The following FAM227B variants were observed in gnomAD, a reference collection of about 807,000 sequenced individuals.
The protein encoded by FAM227B is family with sequence similarity 227 member B.
A neutral mutation model predicts 73.8 loss-of-function variants in FAM227B; 88 were observed. The ratio of observed to expected loss-of-function variants is 1.19; its 90% CI spans 1.00 to 1.42. The LOEUF (loss-of-function observed/expected upper bound fraction) is 1.42, where lower values mean the gene tolerates loss of function less well. Among genes scored for constraint, FAM227B ranks in the 40% most tolerant of loss-of-function variants. The pLI, the probability that FAM227B is intolerant of heterozygous loss-of-function variation, is 0.00. For missense variants in FAM227B, 632 were observed against 590.9 expected, an observed-to-expected ratio of 1.07 and a Z score of -0.72; for synonymous variants, 210 against 190.5, an observed-to-expected ratio of 1.10 and a Z score of -0.84.
At chr15:49,525,801 A>G (rs2090022850) in intron 10 of FAM227B, among the ~76,000 whole-genome samples, 1 of 149,550 alleles carries the variant, frequency 6.7e-6, no homozygotes, top group Non-Finnish European at 1.5e-5. Flanking sequence ...GGTAAAAAAA[A>G]AGACAAAGAA....
intron 11 of FAM227B, among the ~76,000 whole-genome samples, chr15:49,402,829 G>C (rs1301722716): frequency 2.0e-5 from 3 of 152,142 alleles, no homozygotes; most frequent in Non-Finnish European, 4.4e-5. Context: ...GAATAGGAGT[G>C]GTGAGAGTGG....
chr15:49,479,211 C>T (rs2055651698), intron 11 of FAM227B, among the ~76,000 whole-genome samples: 1 of 151,780 alleles, frequency 6.6e-6, no homozygotes, highest in Non-Finnish European at 1.5e-5. Flanking sequence ...TGACATATTG[C>T]CTGGTTTTTC....
chr15:49,342,611 T>C lies in FAM227B; in HGVS notation c.1272-7115A>G, dbSNP rs551653116. 6.6e-5 allele frequency among the ~76,000 whole-genome samples: 10 copies of C among 152,314 alleles called. No homozygotes were observed. In the South Asian group the frequency reaches 1.4e-3, roughly 22 times the overall value. ...TTGCTTTGTAGTTTCTATTGTGTCATTGGTTTATAGTATCTGTGGCTATAT... is the reference window on the plus strand; with the variant it reads ...TTGCTTTGTAGTTTCTATTGTGTCACTGGTTTATAGTATCTGTGGCTATAT... On this transcript the variant is annotated intron_variant, in intron 13 of 15. Transcript: ENST00000299338.
intron 13 of FAM227B, among the ~76,000 whole-genome samples, chr15:49,360,439 C>A (rs1286999731): frequency 6.6e-6 from 1 of 152,118 alleles, no homozygotes; most frequent in Admixed American, 6.5e-5. Flanking sequence ...ACTACACCAA[C>A]ATTTTGGCTC....
At position 49,433,586 on chromosome 15, in the gene FAM227B, T is replaced by TA. The variant is rs995974887; in HGVS notation, c.1013-62188dup. ...TCACTTCCCTCTCATTCTCTATCAC[T>TA]AAAAAAAAATGGCCTCCAGAACCAA... is the stretch of plus-strand genomic sequence containing the variant. On this transcript the variant is annotated intron_variant, in intron 11 of 15. Transcript: ENST00000299338. Among the ~76,000 whole-genome samples, 36 of 149,968 alleles carry TA rather than the reference T, an allele frequency of 2.4e-4. 1 individual carries two copies. The highest frequency in any genetic ancestry group is 3.4e-4 in the African/African-American group (14 of 41,076).
intron 13 of FAM227B, chr15:49,366,685 CGGACTGGT>C: frequency 6.7e-7 from 1 of 1,501,546 alleles, no homozygotes; most frequent in Non-Finnish European, 9.2e-7. Context: ...GCGGCCCCAT[CGGACTGGT>C]GGGTGGCGGG....
At chr15:49,544,680 T>C (rs2071567759) in intron 9 of FAM227B, among the ~76,000 whole-genome samples, 2 of 152,190 alleles carry the variant, frequency 1.3e-5, no homozygotes, top group South Asian at 2.1e-4. Context: ...GTATGTCTCC[T>C]CTTTGCCAAT....
At chr15:49,440,011 T>C (rs2051487303) in intron 11 of FAM227B, among the ~76,000 whole-genome samples, 1 of 151,784 alleles carries the variant, frequency 6.6e-6, no homozygotes, top group African/African-American at 2.4e-5. Context: ...AAAGTATCTG[T>C]GTTTCCAATA....
intron 11 of FAM227B, among the ~76,000 whole-genome samples, chr15:49,497,400 TC>T (rs1458930820): frequency 6.6e-6 from 1 of 152,112 alleles, no homozygotes; most frequent in African/African-American, 2.4e-5. Context: ...ATATGGAAGC[TC>T]TCAGATACCA....
intron 10 of FAM227B, among the ~76,000 whole-genome samples, chr15:49,538,609 T>G (rs558157446): frequency 1.3e-5 from 2 of 152,272 alleles, no homozygotes; most frequent in Non-Finnish European, 2.9e-5. Context: ...TTTAACTCTT[T>G]TAATGGTTTC....
At chr15:49,487,651 C>T (rs1476697502) in intron 11 of FAM227B, 1 of 151,740 alleles carries the variant, frequency 6.6e-6, no homozygotes, top group Admixed American at 6.6e-5. Flanking sequence ...AAACAGTGCC[C>T]CTTACGATTT....
chr15:49,549,720 T>A (rs1437033405), intron 9 of FAM227B, among the ~76,000 whole-genome samples: 1 of 152,078 alleles, frequency 6.6e-6, no homozygotes, highest in Non-Finnish European at 1.5e-5. Flanking sequence ...TGTCTACCTC[T>A]TTCTACACAG....
At chr15:49,449,722 T>C (rs1360950586) in intron 11 of FAM227B, among the ~76,000 whole-genome samples, 1 of 152,210 alleles carries the variant, frequency 6.6e-6, no homozygotes, top group African/African-American at 2.4e-5. Flanking sequence ...GCTTCTATAC[T>C]TGTGCAATTG....
At chr15:49,588,548 T>C (rs559751909) in intron 4 of FAM227B, among the ~76,000 whole-genome samples, 1 of 834 alleles carries the variant, frequency 1.2e-3, no homozygotes, top group South Asian at 0.056. Flanking sequence ...TATTGAGGAC[T>C]ATATATATAT....
intron 11 of FAM227B, among the ~76,000 whole-genome samples, chr15:49,399,564 C>CA (rs1555468003): frequency 6.7e-6 from 1 of 149,072 alleles, no homozygotes; most frequent in Non-Finnish European, 1.5e-5. Flanking sequence ...AATTTTAGAC[C>CA]AATATCCTTG....
chr15:49,367,539 T>C lies in FAM227B; in HGVS notation c.1180A>G (p.Ile394Val). 1 of 1,607,008 alleles carries C rather than the reference T, an allele frequency of 6.2e-7. No individual in the cohort carries two copies. Among genetic ancestry groups the C allele is most frequent in the Non-Finnish European group, 8.5e-7 (1 of 1,178,384 alleles). ...TCATGCATCTTAAGATAATATAAAATCAATGGACTCTGACCTCCAAAATTG... is the reference window on the plus strand; with the variant it reads ...TCATGCATCTTAAGATAATATAAAACCAATGGACTCTGACCTCCAAAATTG... Reference protein sequence around the residue: ...LFNFGGQSPLILYYLKMHELA... With the variant: ...LFNFGGQSPLVLYYLKMHELA... The change falls in exon 13 of 16, where the codon ATT becomes GTT. Residue 394 changes from isoleucine to valine, a missense_variant. Ile to Val is a conservative substitution (Grantham distance 29). Transcript: ENST00000299338.
chr15:49,583,395 C>T (rs1371735068), intron 5 of FAM227B, among the ~76,000 whole-genome samples: 5 of 151,892 alleles, frequency 3.3e-5, no homozygotes, highest in Non-Finnish European at 5.9e-5. Flanking sequence ...ACCAAAATGG[C>T]GACGAGAGTG....
intron 11 of FAM227B, among the ~76,000 whole-genome samples, chr15:49,471,109 G>T (rs2054700480): frequency 6.6e-6 from 1 of 152,116 alleles, no homozygotes; most frequent in Admixed American, 6.5e-5. Context: ...TACTTTTAAA[G>T]GGAGTAGAAA....
At chr15:49,618,348 C>T (rs534148004) in intron 1 of FAM227B, among the ~76,000 whole-genome samples, 9 of 152,172 alleles carry the variant, frequency 5.9e-5, no homozygotes, top group African/African-American at 2.2e-4. Flanking sequence ...GGCTGTAACG[C>T]TGTAGGAAGA....
Sources: gnomAD v4.1 joint callset for allele counts (sites outside exome capture counted in the v4.1 genomes callset) on GRCh38, gnomAD v4.1.1 for gene constraint, MANE v1.5 for transcripts, NCBI Gene and HGNC (gene_info 2026-07-23, HGNC 2026-07-21) for gene names.